The following SFXN5 variants were observed in gnomAD, a reference collection of about 807,000 sequenced individuals.
The protein encoded by SFXN5 is sideroflexin-5.
SFXN5 carries 43 observed loss-of-function variants against 50.2 expected under a neutral mutation model. The ratio of observed to expected loss-of-function variants is 0.86; its 90% CI spans 0.67 to 1.11. The LOEUF is 1.11. SFXN5 is among the 50% of genes least tolerant of loss of function. The pLI, the probability that SFXN5 is intolerant of heterozygous loss-of-function variation, is 0.00. For synonymous variants in SFXN5, 203 were observed against 185.8 expected, an observed-to-expected ratio of 1.09 and a Z score of -0.75; for missense variants, 463 against 454.1, an observed-to-expected ratio of 1.02 and a Z score of -0.18.
chr2:72,963,709 C>G (rs961933252), intron 12 of SFXN5, among the ~76,000 whole-genome samples: 1 of 152,182 alleles, frequency 6.6e-6, no homozygotes, highest in African/African-American at 2.4e-5. Flanking sequence ...GGAGCCAACT[C>G]AGACCCAGCC....
intron 9 of SFXN5, among the ~76,000 whole-genome samples, chr2:72,994,491 C>A (rs557906308): frequency 2.6e-5 from 4 of 152,174 alleles, no homozygotes; most frequent in African/African-American, 9.7e-5. Context: ...ATTGCCCCAA[C>A]AGGGAAAGAC....
chr2:73,030,182 T>G (rs1223075141), intron 3 of SFXN5, among the ~76,000 whole-genome samples: 2 of 152,074 alleles, frequency 1.3e-5, no homozygotes, highest in Non-Finnish European at 2.9e-5. Context: ...CCAAGCAGTC[T>G]GGCTCCAGAG....
At chr2:72,966,547 A>G (rs1025878630) in intron 12 of SFXN5, among the ~76,000 whole-genome samples, 1 of 152,190 alleles carries the variant, frequency 6.6e-6, no homozygotes, top group Non-Finnish European at 1.5e-5. Flanking sequence ...TCACCATGCC[A>G]TGCCCATGCT....
In SFXN5 at chr2:72,953,226, T is replaced by C. The variant is rs1288987857; in HGVS notation, c.945+7905A>G. ...CATCCATCCCTCCTGGGGGGTCCTG[T>C]GGGCAAACTCCAAGAAAGCAGCGGG... On this transcript the variant is annotated intron_variant, in intron 13 of 13. Coordinates refer to ENST00000272433, the MANE Select transcript of SFXN5 (RefSeq NM_144579.3). This position sits in a 1 kb window ranked among gnomAD's most constrained non-coding sequence, Gnocchi z 4.1. Among the ~76,000 whole-genome samples the C allele has an allele frequency of 6.6e-6, 1 of 152,104 alleles. No homozygotes were observed. The highest frequency in any genetic ancestry group is 1.5e-5 in the Non-Finnish European group (1 of 68,026).
At chr2:72,963,691 C>A (rs140273830) in intron 12 of SFXN5, among the ~76,000 whole-genome samples, 9 of 152,322 alleles carry the variant, frequency 5.9e-5, no homozygotes, top group Admixed American at 3.3e-4. Context: ...GGGCTGTGGC[C>A]TGGGCCCGGA....
chr2:72,985,428 G>A (rs1236724177), intron 10 of SFXN5, among the ~76,000 whole-genome samples: 2 of 152,042 alleles, frequency 1.3e-5, no homozygotes, highest in African/African-American at 4.8e-5. Flanking sequence ...GAGGACCAGG[G>A]GGCTTTTGAG....
intron 1 of SFXN5, among the ~76,000 whole-genome samples, chr2:73,069,752 T>G (rs1683440242): frequency 6.6e-6 from 1 of 151,746 alleles, no homozygotes; most frequent in Non-Finnish European, 1.5e-5. Context: ...ACGTATTTGA[T>G]AAATGTCTGT....
At chr2:73,047,705 C>T (rs1185120946) in intron 2 of SFXN5, among the ~76,000 whole-genome samples, 4 of 152,226 alleles carry the variant, frequency 2.6e-5, no homozygotes, top group Middle Eastern at 6.8e-3. Flanking sequence ...GTGAGGCCTC[C>T]ACAGCCATGT....
intron 13 of SFXN5, among the ~76,000 whole-genome samples, chr2:72,947,894 C>T (rs1672145876): frequency 6.6e-6 from 1 of 150,834 alleles, no homozygotes; most frequent in African/African-American, 2.4e-5. Context: ...ACACAATGCA[C>T]AGCGCCCACG....
chr2:73,034,354 C>T (rs181163041), intron 3 of SFXN5, among the ~76,000 whole-genome samples: 13 of 152,324 alleles, frequency 8.5e-5, no homozygotes, highest in Admixed American at 2.6e-4. Context: ...AACCTGCTGA[C>T]GCCCACAGAA....
chr2:73,031,970 C>A (rs1254908086), intron 3 of SFXN5, among the ~76,000 whole-genome samples: 1 of 152,206 alleles, frequency 6.6e-6, no homozygotes, highest in Non-Finnish European at 1.5e-5. Context: ...AGAGGGAGAA[C>A]AGGACAAGGA....
At chr2:72,991,075 GA>G (rs1672538396) in intron 9 of SFXN5, among the ~76,000 whole-genome samples, 1 of 152,220 alleles carries the variant, frequency 6.6e-6, no homozygotes. Context: ...GAGAGGCTGG[GA>G]CCCTTCCCCA....
chr2:72,957,142 C>T (rs1189261609), intron 13 of SFXN5: 1 of 450,618 alleles, frequency 2.2e-6, no homozygotes, highest in South Asian at 1.6e-5. Flanking sequence ...CTTCAACTCC[C>T]CCCCATACAC....
intron 12 of SFXN5, chr2:72,967,196 A>G (rs149699542): frequency 1.3e-5 from 2 of 152,380 alleles, no homozygotes; most frequent in East Asian, 3.9e-4. Flanking sequence ...AAATGAGAGA[A>G]TGCATTCACT....
chr2:73,049,183 T>G (rs1476785778), intron 2 of SFXN5: 4 of 152,296 alleles, frequency 2.6e-5, no homozygotes, highest in Non-Finnish European at 5.9e-5. Flanking sequence ...GAACCAGCAT[T>G]TGGTATCTGG....
At chr2:73,006,075 C>T (rs552611949) in intron 6 of SFXN5, among the ~76,000 whole-genome samples, 86 of 152,118 alleles carry the variant, frequency 5.7e-4, no homozygotes, top group Non-Finnish European at 8.4e-4. Context: ...CGTGGGAGGA[C>T]GTGGCAGCGT....
At chr2:73,027,875 TG>T (rs1203357702) in intron 3 of SFXN5, among the ~76,000 whole-genome samples, 3 of 152,072 alleles carry the variant, frequency 2.0e-5, no homozygotes, top group Non-Finnish European at 2.9e-5. Flanking sequence ...TTGCCCAGGC[TG>T]GTCTCCAACT....
intron 1 of SFXN5, among the ~76,000 whole-genome samples, chr2:73,060,799 T>A (rs933448633): frequency 1.3e-5 from 2 of 151,588 alleles, no homozygotes; most frequent in African/African-American, 2.4e-5. Flanking sequence ...CCTCCCGAGT[T>A]AGCAATTCTC....
At chr2:73,006,895 A>T (rs1303466520) in intron 6 of SFXN5, among the ~76,000 whole-genome samples, 1 of 152,228 alleles carries the variant, frequency 6.6e-6, no homozygotes, top group Non-Finnish European at 1.5e-5. Flanking sequence ...TGACAGGCCC[A>T]GGAAGAGGGG....
Sources: allele counts gnomAD v4.1 joint callset (sites outside exome capture counted in the v4.1 genomes callset), GRCh38; gene constraint gnomAD v4.1.1; non-coding constraint Gnocchi (gnomAD v3.1); transcripts MANE v1.5; gene names NCBI Gene and HGNC (gene_info 2026-07-23, HGNC 2026-07-21).